The following MAPKAP1 variants were observed in gnomAD, a reference collection of about 807,000 sequenced individuals.
MAPKAP1 encodes MAPK associated protein 1, also known as target of rapamycin complex 2 subunit MAPKAP1.
Under a neutral mutation model 65.7 loss-of-function variants are expected in MAPKAP1, and 20 were observed. That is an observed-to-expected ratio of 0.30 (90% CI 0.21 to 0.44). MAPKAP1 has a LOEUF of 0.44. MAPKAP1 is among the 20% of genes least tolerant of loss of function. The pLI is 1.00. For missense variants in MAPKAP1, 423 were observed against 648.0 expected (o/e 0.65, Z 3.77); for synonymous variants, 222 against 244.3 (o/e 0.91, Z 0.85).
intron 4 of MAPKAP1, among the ~76,000 whole-genome samples, chr9:125,587,688 C>T (rs1162033195): frequency 1.3e-5 from 2 of 152,130 alleles, no homozygotes; most frequent in Non-Finnish European, 2.9e-5. Flanking sequence ...TAAGGCTCTA[C>T]TATCTAGAAT....
At chr9:125,663,741 G>A (rs1175319902) in intron 3 of MAPKAP1, among the ~76,000 whole-genome samples, 1 of 152,070 alleles carries the variant, frequency 6.6e-6, no homozygotes, top group African/African-American at 2.4e-5. Flanking sequence ...ACAAGATGGG[G>A]GAAGTCATGA....
At chr9:125,551,112 A>T (rs1830571596) in intron 6 of MAPKAP1, among the ~76,000 whole-genome samples, 1 of 152,248 alleles carries the variant, frequency 6.6e-6, no homozygotes, top group Non-Finnish European at 1.5e-5. Context: ...TGATAAAAAA[A>T]GAAATAAATG....
chr9:125,598,950 G>A (rs944549773), intron 4 of MAPKAP1, among the ~76,000 whole-genome samples: 1 of 150,190 alleles, frequency 6.7e-6, no homozygotes, highest in African/African-American at 2.5e-5. Context: ...TGAGGCAGGA[G>A]AATCACTTGA....
intron 1 of MAPKAP1, among the ~76,000 whole-genome samples, chr9:125,686,476 T>C (rs535445311): frequency 1.6e-4 from 24 of 152,322 alleles, no homozygotes; most frequent in African/African-American, 2.4e-4. Context: ...TCTGTTCTTA[T>C]GTCTGTTAAA....
intron 4 of MAPKAP1, among the ~76,000 whole-genome samples, chr9:125,651,962 A>AT (rs963921678): frequency 1.3e-4 from 20 of 151,734 alleles, no homozygotes; most frequent in Non-Finnish European, 2.4e-4. Context: ...CCCAGGCTAC[A>AT]TTTTTTTTTC....
Position 125,447,014 on chromosome 9 carries a change from A to G in MAPKAP1, c.1346-2416T>C, listed in dbSNP as rs1208373338. ...ACTATGGTGCTTGTGAAGCATGTCA[A>G]TTGTGGGCTGACAGAGGGGAGGCCT... On this transcript the variant is annotated intron_variant, in intron 10 of 11. Coordinates refer to ENST00000265960, the MANE Select transcript of MAPKAP1 (RefSeq NM_001006617.3). This position sits in a 1 kb window ranked among gnomAD's most constrained non-coding sequence, Gnocchi z 4.5. Among the ~76,000 whole-genome samples the G allele has an allele frequency of 6.6e-6, 1 of 152,168 alleles. No individual in the cohort carries two copies. The highest frequency in any genetic ancestry group is 2.4e-5 in the African/African-American group (1 of 41,418).
At chr9:125,609,435 G>A (rs1832535365) in intron 4 of MAPKAP1, among the ~76,000 whole-genome samples, 1 of 152,206 alleles carries the variant, frequency 6.6e-6, no homozygotes, top group Admixed American at 6.5e-5. Context: ...GCTAAGGGAA[G>A]CAGACAGCCT....
chr9:125,494,213 C>A (rs1854848654), intron 8 of MAPKAP1, among the ~76,000 whole-genome samples: 1 of 152,260 alleles, frequency 6.6e-6, no homozygotes, highest in African/African-American at 2.4e-5. Context: ...AACTTCTCTT[C>A]TATTAAACAC....
intron 4 of MAPKAP1, among the ~76,000 whole-genome samples, chr9:125,634,307 T>C (rs1285024477): frequency 1.3e-5 from 2 of 152,200 alleles, no homozygotes; most frequent in Non-Finnish European, 2.9e-5. Flanking sequence ...AACAGATTTA[T>C]TGCCTCCAGA....
intron 3 of MAPKAP1, among the ~76,000 whole-genome samples, chr9:125,664,109 G>A (rs1324680458): frequency 6.6e-6 from 1 of 152,132 alleles, no homozygotes; most frequent in African/African-American, 2.4e-5. Flanking sequence ...CACTCTGGGA[G>A]GCCGAGGAGG....
intron 1 of MAPKAP1, among the ~76,000 whole-genome samples, chr9:125,684,716 C>A (rs898733591): frequency 6.6e-6 from 1 of 152,146 alleles, no homozygotes; most frequent in African/African-American, 2.4e-5. Flanking sequence ...ACCCTTCTTC[C>A]CCTGACTACC....
At chr9:125,473,078 CT>C (rs77182446) in intron 9 of MAPKAP1, among the ~76,000 whole-genome samples, 1,956 of 133,190 alleles carry the variant, frequency 0.015, 25 homozygotes, top group Admixed American at 0.055. Flanking sequence ...TTCAGCAGAA[CT>C]TTTTTTTTTT....
intron 7 of MAPKAP1, among the ~76,000 whole-genome samples, chr9:125,520,429 A>G (rs1050467667): frequency 9.9e-5 from 15 of 152,150 alleles, no homozygotes; most frequent in African/African-American, 3.6e-4. Flanking sequence ...TAATCCAGAA[A>G]TATCCTCCAA....
At chr9:125,668,746 A>T in intron 3 of MAPKAP1, among the ~76,000 whole-genome samples, 1 of 152,268 alleles carries the variant, frequency 6.6e-6, no homozygotes, top group East Asian at 1.9e-4. Context: ...AAATGCTAAT[A>T]ATACCAGCAA....
At chr9:125,693,510 T>C (rs143560064) in intron 1 of MAPKAP1, among the ~76,000 whole-genome samples, 5,233 of 139,370 alleles carry the variant, frequency 0.038, 143 homozygotes, top group Non-Finnish European at 0.06. Flanking sequence ...TATATACACA[T>C]ACACACACAT....
intron 9 of MAPKAP1, among the ~76,000 whole-genome samples, chr9:125,478,675 T>A (rs1377075819): frequency 6.6e-6 from 1 of 152,180 alleles, no homozygotes; most frequent in South Asian, 2.1e-4. Flanking sequence ...ACCTGTGGTA[T>A]GACAGATTGG....
intron 1 of MAPKAP1, among the ~76,000 whole-genome samples, chr9:125,689,451 A>AAAC (rs1835095628): frequency 6.9e-6 from 1 of 144,558 alleles, no homozygotes; most frequent in African/African-American, 2.5e-5. Context: ...AAAAAAAAAA[A>AAAC]AAAAAAAAAA....
chr9:125,634,793 C>G (rs1158477864), intron 4 of MAPKAP1, among the ~76,000 whole-genome samples: 3 of 152,120 alleles, frequency 2.0e-5, no homozygotes, highest in African/African-American at 7.2e-5. Flanking sequence ...CAGTAGGCAG[C>G]CTTTAAACTA....
intron 8 of MAPKAP1, among the ~76,000 whole-genome samples, chr9:125,490,923 A>G (rs1854686925): frequency 6.6e-6 from 1 of 152,154 alleles, no homozygotes; most frequent in Non-Finnish European, 1.5e-5. Context: ...GGACCACTTG[A>G]GGTCAGGAAT....
Sources: allele counts gnomAD v4.1 joint callset (sites outside exome capture counted in the v4.1 genomes callset), GRCh38; gene constraint gnomAD v4.1.1; non-coding constraint Gnocchi (gnomAD v3.1); transcripts MANE v1.5; gene names NCBI Gene and HGNC (gene_info 2026-07-23, HGNC 2026-07-21).